The following SOX6 variants were observed in gnomAD, a reference collection of about 807,000 sequenced individuals.
The protein encoded by SOX6 is SRY-box transcription factor 6.
A neutral mutation model predicts 97.8 loss-of-function variants in SOX6; 11 were observed. The ratio of observed to expected loss-of-function variants is 0.11; its 90% CI spans 0.07 to 0.19. The LOEUF is 0.19. Ranked by LOEUF, SOX6 falls within the 10% of genes least tolerant of loss-of-function variation. The pLI is 1.00. For synonymous variants in SOX6, 360 were observed against 371.4 expected (o/e 0.97, Z 0.35); for missense variants, 810 against 1,039.5 (o/e 0.78, Z 3.04).
intron 9 of SOX6, among the ~76,000 whole-genome samples, chr11:16,087,361 A>G (rs1159546737): frequency 6.6e-6 from 1 of 152,194 alleles, no homozygotes; most frequent in East Asian, 1.9e-4. Context: ...AATTATAGCT[A>G]AGAATGATTT....
chr11:16,022,325 TC>T, intron 12 of SOX6, among the ~76,000 whole-genome samples: 1 of 148,052 alleles, frequency 6.8e-6, no homozygotes, highest in Non-Finnish European at 1.5e-5. Flanking sequence ...CTTCCTTCCT[TC>T]CTTCTTTCCT....
At chr11:16,265,434 A>C (rs948552893) in intron 3 of SOX6, among the ~76,000 whole-genome samples, 1 of 151,782 alleles carries the variant, frequency 6.6e-6, no homozygotes, top group East Asian at 1.9e-4. Context: ...ACTTAAAAAC[A>C]ATACCCTAAA....
At chr11:16,334,418 A>G (rs942259547) in intron 2 of SOX6, among the ~76,000 whole-genome samples, 2 of 137,240 alleles carry the variant, frequency 1.5e-5, no homozygotes, top group African/African-American at 2.7e-5. Context: ...ATTCCAGAGC[A>G]TGTTAATGTC....
At chr11:16,657,952 C>A (rs1269421456) in intron 3 of SOX6, among the ~76,000 whole-genome samples, 3 of 152,172 alleles carry the variant, frequency 2.0e-5, no homozygotes, top group Non-Finnish European at 4.4e-5. Context: ...TATTCATTTT[C>A]TCTGCTATAC....
chr11:16,349,570 C>T (rs1384589454), intron 1 of SOX6, among the ~76,000 whole-genome samples: 4 of 151,366 alleles, frequency 2.6e-5, no homozygotes, highest in South Asian at 2.1e-4. Context: ...GAGCCAAGAG[C>T]GTGCCATTGC....
intron 7 of SOX6, among the ~76,000 whole-genome samples, chr11:16,098,493 G>A (rs1210348154): frequency 2.6e-5 from 4 of 151,850 alleles, no homozygotes; most frequent in Admixed American, 2.0e-4. Flanking sequence ...AAAGGGAGAC[G>A]GAAGTACCTT....
chr11:16,297,898 T>C (rs1024063807), intron 3 of SOX6, among the ~76,000 whole-genome samples: 3 of 152,110 alleles, frequency 2.0e-5, no homozygotes, highest in African/African-American at 7.2e-5. Context: ...GGTCAGAAAT[T>C]AGCTGTGACA....
chr11:15,973,672 G>A (rs1853382276), intron 15 of SOX6, among the ~76,000 whole-genome samples: 1 of 152,148 alleles, frequency 6.6e-6, no homozygotes, highest in Admixed American at 6.6e-5. Flanking sequence ...AACTTGTTAG[G>A]AATAATCCCT....
At chr11:16,154,431 T>C (rs1226534297) in intron 6 of SOX6, among the ~76,000 whole-genome samples, 1 of 152,140 alleles carries the variant, frequency 6.6e-6, no homozygotes, top group African/African-American at 2.4e-5. Flanking sequence ...GTATTCTTTT[T>C]ACCATATTAA....
intron 1 of SOX6, among the ~76,000 whole-genome samples, chr11:16,439,753 A>C (rs1277528143): frequency 6.6e-6 from 1 of 152,212 alleles, no homozygotes; most frequent in African/African-American, 2.4e-5. Context: ...TGAAATTTAC[A>C]GCAGGGAAAC....
chr11:16,549,088 T>G (rs904504337), intron 4 of SOX6, among the ~76,000 whole-genome samples: 1 of 152,122 alleles, frequency 6.6e-6, no homozygotes, highest in African/African-American at 2.4e-5. Flanking sequence ...TGAAAAAAGT[T>G]TCAAAATCAT....
chr11:16,519,642 G>A (rs1861026534), intron 4 of SOX6, among the ~76,000 whole-genome samples: 1 of 152,100 alleles, frequency 6.6e-6, no homozygotes, highest in African/African-American at 2.4e-5. Flanking sequence ...TGCCATTTGT[G>A]AATAGTGCTG....
intron 2 of SOX6, among the ~76,000 whole-genome samples, chr11:16,322,451 C>A (rs1339894558): frequency 1.3e-5 from 2 of 152,156 alleles, no homozygotes; most frequent in African/African-American, 2.4e-5. Context: ...GTACAGCCTG[C>A]AGAACCATGA....
intron 4 of SOX6, among the ~76,000 whole-genome samples, chr11:16,603,256 T>C (rs1848292828): frequency 6.6e-6 from 1 of 152,184 alleles, no homozygotes; most frequent in South Asian, 2.1e-4. Context: ...GTCATGTTCA[T>C]GGCTGCAGAA....
chr11:16,438,628 G>A (rs980519716), intron 1 of SOX6, among the ~76,000 whole-genome samples: 5 of 151,952 alleles, frequency 3.3e-5, no homozygotes, highest in African/African-American at 2.4e-5. Flanking sequence ...GCTCTGAAGA[G>A]GATCTGGTCT....
intron 3 of SOX6, among the ~76,000 whole-genome samples, chr11:16,270,666 C>CACACACACAT: frequency 6.6e-6 from 1 of 151,286 alleles, no homozygotes; most frequent in East Asian, 1.9e-4. Flanking sequence ...CACACACACA[C>CACACACACAT]ACAGGAATAT....
At chr11:16,448,243 C>T (rs970460372) in intron 1 of SOX6, among the ~76,000 whole-genome samples, 1 of 152,112 alleles carries the variant, frequency 6.6e-6, no homozygotes, top group Non-Finnish European at 1.5e-5. Context: ...TTCAAATGCT[C>T]CAGGTTAATA....
At chr11:16,170,073 C>A (rs891184298) in intron 6 of SOX6, among the ~76,000 whole-genome samples, 3 of 151,978 alleles carry the variant, frequency 2.0e-5, no homozygotes, top group Non-Finnish European at 4.4e-5. Context: ...TAAATAGCTC[C>A]AGTCCTGGCT....
At chr11:16,502,705 T>G (rs1860726807) in intron 4 of SOX6, among the ~76,000 whole-genome samples, 1 of 152,184 alleles carries the variant, frequency 6.6e-6, no homozygotes, top group African/African-American at 2.4e-5. Context: ...GAAGGAAGAC[T>G]ATGTGATCTG....
Sources: gnomAD v4.1 joint callset for allele counts (sites outside exome capture counted in the v4.1 genomes callset) on GRCh38, gnomAD v4.1.1 for gene constraint, MANE v1.5 for transcripts, NCBI Gene and HGNC (gene_info 2026-07-23, HGNC 2026-07-21) for gene names.